The following CDH18 variants were observed in gnomAD, a reference collection of about 807,000 sequenced individuals.
CDH18 encodes the protein cadherin 18, also known as cadherin-18.
CDH18 carries 31 observed loss-of-function variants against 67.9 expected under a neutral mutation model. That is an observed-to-expected ratio of 0.46 (90% CI 0.34 to 0.62). CDH18 has a LOEUF of 0.62. Among genes scored for constraint, CDH18 ranks in the 20% least tolerant of loss-of-function variants. The pLI is 0.01. For missense variants in CDH18, 890 were observed against 975.5 expected, an observed-to-expected ratio of 0.91 and a Z score of 1.17; for synonymous variants, 362 against 347.2, an observed-to-expected ratio of 1.04 and a Z score of -0.48.
At chr5:19,636,838 G>C (rs1342033615) in intron 5 of CDH18, among the ~76,000 whole-genome samples, 5 of 151,926 alleles carry the variant, frequency 3.3e-5, no homozygotes, top group Non-Finnish European at 7.4e-5. Context: ...ATCAGGATAA[G>C]ATATATTCTT....
intron 7 of CDH18, among the ~76,000 whole-genome samples, 194 bp downstream of exon 7, chr5:19,590,863 G>A (rs996418686): frequency 1.3e-5 from 2 of 152,096 alleles, no homozygotes; most frequent in Admixed American, 6.6e-5. Flanking sequence ...TCTTCCCACC[G>A]CAGCAAAACA....
intron 2 of CDH18, among the ~76,000 whole-genome samples, chr5:20,085,363 T>A (rs1744851997): frequency 6.6e-6 from 1 of 152,172 alleles, no homozygotes; most frequent in Non-Finnish European, 1.5e-5. Context: ...CATATCACTA[T>A]CAGCATTTTG....
intron 2 of CDH18, among the ~76,000 whole-genome samples, chr5:19,977,250 T>C (rs1018917929): frequency 6.6e-6 from 1 of 152,194 alleles, no homozygotes; most frequent in Non-Finnish European, 1.5e-5. Context: ...TGCTTCTGAG[T>C]ACCCAGCCAG....
chr5:20,145,390 T>C (rs778564253), intron 2 of CDH18, among the ~76,000 whole-genome samples: 4 of 152,164 alleles, frequency 2.6e-5, no homozygotes, highest in Admixed American at 6.6e-5. Flanking sequence ...CCTGATAAAC[T>C]TCCTCATTTT....
At chr5:19,716,034 G>C (rs1765300206) in intron 5 of CDH18, among the ~76,000 whole-genome samples, 1 of 151,986 alleles carries the variant, frequency 6.6e-6, no homozygotes. Context: ...GGCCAGGCTA[G>C]TCTTGAACTC....
intron 2 of CDH18, among the ~76,000 whole-genome samples, chr5:19,902,638 C>T (rs75824226): frequency 9.3e-4 from 142 of 152,324 alleles, no homozygotes; most frequent in East Asian, 4.1e-3. Context: ...CCCAGCCAAG[C>T]TGTTCCCAGA....
chr5:20,283,126 A>C lies in CDH18; in HGVS notation c.-579-27621T>G, dbSNP rs530453735. ...TTATCAAAATAAATTAAATACTTAC[A>C]CTAAGACCTGAAACTATAAAATTAC... is the stretch of plus-strand genomic sequence containing the variant. On this transcript the variant is annotated intron_variant, in intron 1 of 14. Transcript: ENST00000507958. Among the ~76,000 whole-genome samples, 6 of 151,490 alleles carry C rather than the reference A, an allele frequency of 4.0e-5. No individual in the cohort carries two copies. In the South Asian group the frequency reaches 6.3e-4, roughly 16 times the overall value.
At chr5:19,975,143 C>A (rs1363583991) in intron 2 of CDH18, among the ~76,000 whole-genome samples, 1 of 152,092 alleles carries the variant, frequency 6.6e-6, no homozygotes, top group African/African-American at 2.4e-5. Flanking sequence ...ATAAATATAA[C>A]ATTAACTAAA....
intron 1 of CDH18, among the ~76,000 whole-genome samples, chr5:20,458,635 A>C (rs1162512209): frequency 6.6e-6 from 1 of 152,088 alleles, no homozygotes; most frequent in African/African-American, 2.4e-5. Context: ...AACAACAAGA[A>C]CAACAAAAAA....
intron 1 of CDH18, among the ~76,000 whole-genome samples, chr5:20,312,931 C>G (rs1222468679): frequency 6.6e-6 from 1 of 151,678 alleles, no homozygotes; most frequent in East Asian, 1.9e-4. Context: ...CTTTAAATCC[C>G]CCCAATTATA....
intron 2 of CDH18, among the ~76,000 whole-genome samples, chr5:19,959,320 C>T (rs1163637651): frequency 6.6e-6 from 1 of 151,620 alleles, no homozygotes; most frequent in Non-Finnish European, 1.5e-5. Context: ...TTTAAGATGC[C>T]ATTAAATATA....
chr5:20,514,230 C>A (rs1368374548), intron 1 of CDH18, among the ~76,000 whole-genome samples: 1 of 152,014 alleles, frequency 6.6e-6, no homozygotes, highest in Admixed American at 6.6e-5. Context: ...AAATGTTTGA[C>A]CAATGTATTT....
chr5:19,682,840 G>A (rs1401850834), intron 5 of CDH18, among the ~76,000 whole-genome samples: 1 of 152,042 alleles, frequency 6.6e-6, no homozygotes, highest in Non-Finnish European at 1.5e-5. Flanking sequence ...ATCTTAAGCA[G>A]TATCAGCTAA....
At chr5:20,003,719 C>T (rs1736639860) in intron 2 of CDH18, among the ~76,000 whole-genome samples, 1 of 151,988 alleles carries the variant, frequency 6.6e-6, no homozygotes, top group Non-Finnish European at 1.5e-5. Context: ...GGTGAAACCC[C>T]GTCTCTACTA....
chr5:20,565,476 C>T (rs1462566291), intron 1 of CDH18, among the ~76,000 whole-genome samples: 1 of 152,086 alleles, frequency 6.6e-6, no homozygotes, highest in Non-Finnish European at 1.5e-5. Flanking sequence ...TCTGGAATCT[C>T]TCCATCTTCA....
In CDH18 at chr5:20,503,305, G is replaced by A. The variant is rs138701174; in HGVS notation, c.-580+72157C>T. Among the ~76,000 whole-genome samples, 320 of 150,378 alleles carry A rather than the reference G, an allele frequency of 2.1e-3. 1 individual carries two copies. The highest frequency in any genetic ancestry group is 7.0e-3 in the African/African-American group (287 of 40,904). On this transcript the variant is annotated intron_variant, in intron 1 of 14. Transcript: ENST00000507958. ...TTTTTTTAATTGATATTATATAAGC[G>A]AAAACTAAACCCACTAATTGAGGCT... is the stretch of plus-strand genomic sequence containing the variant.
chr5:19,494,327 A>G (rs571839002), intron 11 of CDH18, among the ~76,000 whole-genome samples: 2 of 152,278 alleles, frequency 1.3e-5, no homozygotes, highest in Admixed American at 1.3e-4. Flanking sequence ...ATGTACACTG[A>G]TAAAATAATA....
At chr5:20,334,753 T>TACACAC (rs35282241) in intron 1 of CDH18, among the ~76,000 whole-genome samples, 12,871 of 138,242 alleles carry the variant, frequency 0.093, 618 homozygotes, top group Non-Finnish European at 0.12. Context: ...CTCTCTCTCA[T>TACACAC]ACACACACAC....
At chr5:19,627,083 A>T (rs989516139) in intron 5 of CDH18, among the ~76,000 whole-genome samples, 1 of 152,190 alleles carries the variant, frequency 6.6e-6, no homozygotes, top group Non-Finnish European at 1.5e-5. Context: ...CAATGTGTTC[A>T]TCTTTTCTCA....
Sources: gnomAD v4.1 joint callset for allele counts (sites outside exome capture counted in the v4.1 genomes callset) on GRCh38, gnomAD v4.1.1 for gene constraint, MANE v1.5 for transcripts, NCBI Gene and HGNC (gene_info 2026-07-23, HGNC 2026-07-21) for gene names.